The following CRYBG3 variants were observed in gnomAD, a reference collection of about 807,000 sequenced individuals.
CRYBG3 encodes the protein very large A-kinase anchor protein.
Under a neutral mutation model 244.2 loss-of-function variants are expected in CRYBG3, and 127 were observed. The ratio of observed to expected loss-of-function variants is 0.52; its 90% CI spans 0.45 to 0.60. The LOEUF (loss-of-function observed/expected upper bound fraction) is 0.60, where lower values mean the gene tolerates loss of function less well. CRYBG3 is among the 20% of genes least tolerant of loss of function. CRYBG3 has a pLI of 0.00. For synonymous variants in CRYBG3, 1,132 were observed against 1,195.8 expected, an observed-to-expected ratio of 0.95 and a Z score of 1.10; for missense variants, 3,325 against 3,442.5, an observed-to-expected ratio of 0.97 and a Z score of 0.85.
At chr3:97,835,983 A>T (rs1354319351) in intron 1 of CRYBG3, among the ~76,000 whole-genome samples, 1 of 152,092 alleles carries the variant, frequency 6.6e-6, no homozygotes, top group Non-Finnish European at 1.5e-5. Context: ...CATTCACAAC[A>T]CATGTACTGT....
At chr3:97,857,772 G>A (rs955188512) in intron 2 of CRYBG3, among the ~76,000 whole-genome samples, 9 of 151,716 alleles carry the variant, frequency 5.9e-5, no homozygotes, top group South Asian at 2.1e-4. Flanking sequence ...TTATCCATTC[G>A]GCTAATCTAT....
chr3:97,915,520 T>C (rs1559742822), intron 16 of CRYBG3, 90 bp from the exon 17 acceptor site: 32 of 1,398,026 alleles, frequency 2.3e-5, no homozygotes, highest in Non-Finnish European at 2.9e-5. Context: ...TTCTATGCCC[T>C]ACCCCTACCC....
Position 97,872,829 on chromosome 3 carries a change from A to G in CRYBG3, c.1635A>G (p.Val545=), listed in dbSNP as rs1576535769. 1.3e-6 allele frequency: 2 copies of G among 1,535,996 alleles called. No homozygotes were observed. The highest frequency in any genetic ancestry group is 1.7e-6 in the Non-Finnish European group (2 of 1,146,786). ...GTGAATCCATAGCTTCAAGTCATGT[A>G]AAAGCTCCAGAAGATAAAATTGAGT... ...SAGESIASSH[V]KAPEDKIESL... The change falls in exon 4 of 22, where the codon GTA becomes GTG. Residue 545 remains valine (V), a synonymous_variant. Coordinates refer to ENST00000389622, the MANE Select transcript of CRYBG3 (RefSeq NM_153605.4).
chr3:97,890,258 A>G (rs953861879), intron 10 of CRYBG3, among the ~76,000 whole-genome samples: 8 of 152,196 alleles, frequency 5.3e-5, no homozygotes, highest in Non-Finnish European at 1.2e-4. Context: ...ACTCCCAGAG[A>G]TACTGTATTA....
rs2107099687 is a variant in CRYBG3, at chr3:97,933,674, C to G, written c.8242-20C>G. On this transcript the variant is annotated intron_variant, in intron 17 of 21. Transcript: ENST00000389622. ...AGATATGGCCACTCCTATGGTGACG[C>G]TTTCTTTTTCTGCTAATAGGTTTTT... 1.2e-6 allele frequency: 2 copies of G among 1,612,064 alleles called. No homozygotes were observed. The highest frequency in any genetic ancestry group is 1.7e-6 in the Non-Finnish European group (2 of 1,178,798).
chr3:97,894,752 A>G (rs1480204319), intron 11 of CRYBG3, among the ~76,000 whole-genome samples: 2 of 152,186 alleles, frequency 1.3e-5, no homozygotes, highest in Admixed American at 6.6e-5. Flanking sequence ...CCACACTTAT[A>G]TAAAATAAAG....
chr3:97,908,081 G>C (rs1391433139), intron 15 of CRYBG3, among the ~76,000 whole-genome samples: 1 of 152,076 alleles, frequency 6.6e-6, no homozygotes, highest in East Asian at 1.9e-4. Flanking sequence ...TAATCCTGAG[G>C]TCTAGTTTGA....
chr3:97,923,840 A>G (rs2040010956), intron 17 of CRYBG3, among the ~76,000 whole-genome samples: 1 of 152,102 alleles, frequency 6.6e-6, no homozygotes. Context: ...TTATAGGTAA[A>G]AGGACTCAAT....
At chr3:97,854,380 A>G (rs201471615) in intron 2 of CRYBG3, among the ~76,000 whole-genome samples, 1 of 151,872 alleles carries the variant, frequency 6.6e-6, no homozygotes. Flanking sequence ...TTCTAGTTCT[A>G]TGAAGAATGA....
chr3:97,892,528 A>G (rs1277671263), intron 10 of CRYBG3, among the ~76,000 whole-genome samples: 1 of 152,116 alleles, frequency 6.6e-6, no homozygotes, highest in Admixed American at 6.6e-5. Flanking sequence ...AAGCTTCACC[A>G]TAAATTTGTT....
chr3:97,874,576 C>G lies in CRYBG3; in HGVS notation c.3382C>G (p.His1128Asp), dbSNP rs750699304. Residue 1128 changes from histidine to aspartate, a missense_variant, in exon 4 of 22, where the codon CAT becomes GAT. Coordinates refer to ENST00000389622, the MANE Select transcript of CRYBG3 (RefSeq NM_153605.4). ...IGTEVTPFQE[H>D]FGIYTGKISI... ...GACAGAAGTAACCCCATTTCAGGAA[C>G]ATTTTGGGATTTATACTGGGAAGAT... The G allele has an allele frequency of 5.2e-6, 8 of 1,535,964 alleles. No homozygotes were observed. The highest frequency in any genetic ancestry group is 7.0e-6 in the Non-Finnish European group (8 of 1,146,836).
chr3:97,871,742 G>T, intron 3 of CRYBG3, 100 bp from the exon 4 acceptor site: 1 of 766,550 alleles, frequency 1.3e-6, no homozygotes, highest in South Asian at 2.4e-5. Context: ...CATATTAAGG[G>T]AAGTGGTGTT....
chr3:97,907,195 G>C (rs1209734444), intron 15 of CRYBG3, among the ~76,000 whole-genome samples: 1 of 152,134 alleles, frequency 6.6e-6, no homozygotes, highest in Non-Finnish European at 1.5e-5. Flanking sequence ...AAGGATATTG[G>C]TCTAAAATTC....
At chr3:97,838,616 A>G (rs79895012) in intron 1 of CRYBG3, among the ~76,000 whole-genome samples, 4,645 of 152,202 alleles carry the variant, frequency 0.031, 125 homozygotes, top group African/African-American at 0.065. Flanking sequence ...TCTGGTTTGT[A>G]CATTGTGCAA....
chr3:97,937,255 TA>T (rs1368634661), intron 19 of CRYBG3, among the ~76,000 whole-genome samples: 1 of 152,112 alleles, frequency 6.6e-6, no homozygotes. Context: ...CCTACTTATA[TA>T]ATACTCAGGA....
In CRYBG3 at chr3:97,838,134, AT is replaced by A. The variant is rs1383714018; in HGVS notation, c.150-5054del. Among the ~76,000 whole-genome samples the A allele has an allele frequency of 5.9e-5, 9 of 151,974 alleles. 1 individual carries two copies. Among genetic ancestry groups the A allele is most frequent in the African/African-American group, 2.2e-4 (9 of 41,466 alleles). ...CTGTGGTATGGACTGAAAAAAGGGG[AT>A]TTTTTTCCTTCCAGGTCCCACCCTG... On this transcript the variant is annotated intron_variant, in intron 1 of 21. Coordinates refer to ENST00000389622, the MANE Select transcript of CRYBG3 (RefSeq NM_153605.4).
In CRYBG3 at chr3:97,875,369, C is replaced by A; in HGVS notation, c.4175C>A (p.Ser1392Ter). ...SLSNLASGTE[S>*]IKGGEIVLYQ... ...AGTAACTTAGCTAGTGGCACAGAGT[C>A]AATTAAGGGAGGAGAAATTGTTCTC... Residue 1392 changes from serine (S) to a stop codon, truncating the protein, a stop_gained, in exon 4 of 22, where the codon TCA becomes TAA. Transcript: ENST00000389622. LOFTEE classifies it high-confidence loss of function. 7.1e-7 allele frequency: 1 copy of A among 1,413,828 alleles called. No homozygotes were observed. Among genetic ancestry groups the A allele is most frequent in the Non-Finnish European group, 9.2e-7 (1 of 1,092,292 alleles). The allele number at this position is 1,413,828 out of a possible 1,614,324, so 87.6% of individuals were successfully genotyped here.
At chr3:97,916,590 T>C (rs2108253902) in intron 17 of CRYBG3, among the ~76,000 whole-genome samples, 1 of 152,294 alleles carries the variant, frequency 6.6e-6, no homozygotes, top group African/African-American at 2.4e-5. Flanking sequence ...GCTTCAGTTT[T>C]ACACAGAGCT....
At chr3:97,867,964 A>G (rs560451019) in intron 3 of CRYBG3, among the ~76,000 whole-genome samples, 223 of 152,364 alleles carry the variant, frequency 1.5e-3, no homozygotes, top group African/African-American at 5.2e-3. Context: ...ATTAAAAATT[A>G]AAGGACAACT....
Sources: gnomAD v4.1 joint callset for allele counts (sites outside exome capture counted in the v4.1 genomes callset) on GRCh38, gnomAD v4.1.1 for gene constraint, MANE v1.5 for transcripts, NCBI Gene and HGNC (gene_info 2026-07-23, HGNC 2026-07-21) for gene names.